The following SOX6 variants were observed in gnomAD, a reference collection of about 807,000 sequenced individuals.
SOX6 encodes the protein SRY-box transcription factor 6, also known as transcription factor SOX-6.
In SOX6, 11 loss-of-function variants were observed where a neutral mutation model predicts 97.8. That is an observed-to-expected ratio of 0.11 (90% CI 0.07 to 0.19). The LOEUF (loss-of-function observed/expected upper bound fraction) is 0.19, where lower values mean the gene tolerates loss of function less well. Ranked by LOEUF, SOX6 falls within the 10% of genes least tolerant of loss-of-function variation. The pLI, the probability that SOX6 is intolerant of heterozygous loss-of-function variation, is 1.00. For missense variants in SOX6, 810 were observed against 1,039.5 expected (o/e 0.78, Z 3.04); for synonymous variants, 360 against 371.4 (o/e 0.97, Z 0.35).
intron 2 of SOX6, among the ~76,000 whole-genome samples, chr11:16,721,546 CTCT>C (rs1564877306): frequency 9.9e-5 from 4 of 40,462 alleles, no homozygotes; most frequent in African/African-American, 4.4e-4. Context: ...CTCTCTCTCT[CTCT>C]CTTCCCCCCC....
intron 3 of SOX6, among the ~76,000 whole-genome samples, chr11:16,663,515 G>T (rs961287565): frequency 1.3e-5 from 2 of 152,008 alleles, no homozygotes; most frequent in Non-Finnish European, 2.9e-5. Context: ...CAGATACGGG[G>T]TATCACCATG....
chr11:15,979,029 T>TAC, intron 15 of SOX6, among the ~76,000 whole-genome samples: 4 of 95,438 alleles, frequency 4.2e-5, no homozygotes, highest in African/African-American at 1.2e-4. Flanking sequence ...CTGCTTATTT[T>TAC]ATATATATTT....
intron 4 of SOX6, among the ~76,000 whole-genome samples, chr11:16,216,164 T>C (rs1052594912): frequency 1.7e-4 from 26 of 152,216 alleles, no homozygotes; most frequent in African/African-American, 6.3e-4. Context: ...AAAATCACTG[T>C]GATACAAAGT....
At chr11:16,053,526 T>A (rs1380111969) in intron 10 of SOX6, among the ~76,000 whole-genome samples, 1 of 152,142 alleles carries the variant, frequency 6.6e-6, no homozygotes, top group Non-Finnish European at 1.5e-5. Context: ...GAGGGTGTAT[T>A]TAAGACCTAT....
chr11:16,012,014 A>G (rs572924744), intron 13 of SOX6, among the ~76,000 whole-genome samples: 1 of 151,932 alleles, frequency 6.6e-6, no homozygotes, highest in East Asian at 1.9e-4. Flanking sequence ...AAAGAGGTCA[A>G]GGACATCTCT....
chr11:16,479,449 G>T (rs1383969291), upstream of SOX6, among the ~76,000 whole-genome samples: 1 of 151,480 alleles, frequency 6.6e-6, no homozygotes, highest in Non-Finnish European at 1.5e-5. Context: ...AGAATCACTT[G>T]AACCTGGGAG....
intron 13 of SOX6, among the ~76,000 whole-genome samples, chr11:16,004,029 C>G (rs956212084): frequency 5.3e-5 from 8 of 151,008 alleles, no homozygotes; most frequent in African/African-American, 1.9e-4. Flanking sequence ...TATATATATA[C>G]ACACACACAT....
At chr11:16,060,612 G>A (rs1039401369) in intron 9 of SOX6, among the ~76,000 whole-genome samples, 8 of 151,854 alleles carry the variant, frequency 5.3e-5, no homozygotes, top group Non-Finnish European at 1.0e-4. Context: ...TTTTAAGTTT[G>A]TCTTGGATAA....
At chr11:16,555,431 G>T (rs1415015016) in intron 4 of SOX6, among the ~76,000 whole-genome samples, 3 of 151,394 alleles carry the variant, frequency 2.0e-5, no homozygotes, top group Non-Finnish European at 4.4e-5. Context: ...TACATATAAT[G>T]TCTTTAAATT....
At chr11:16,224,505 A>G (rs1237925157) in intron 4 of SOX6, among the ~76,000 whole-genome samples, 1 of 152,058 alleles carries the variant, frequency 6.6e-6, no homozygotes, top group Non-Finnish European at 1.5e-5. Context: ...TTTAATTAAG[A>G]AGACCTTGTG....
chr11:15,979,119 G>T (rs1052659807), intron 15 of SOX6, among the ~76,000 whole-genome samples: 11 of 144,754 alleles, frequency 7.6e-5, no homozygotes, highest in Admixed American at 4.3e-4. Flanking sequence ...CATAGGTGCA[G>T]AACTTAAAGT....
At chr11:16,022,993 C>T (rs981965136) in intron 12 of SOX6, among the ~76,000 whole-genome samples, 2 of 152,094 alleles carry the variant, frequency 1.3e-5, no homozygotes, top group South Asian at 2.1e-4. Flanking sequence ...CTATGATATT[C>T]CAAAATCCTA....
intron 6 of SOX6, among the ~76,000 whole-genome samples, chr11:16,177,921 C>T (rs1231411200): frequency 6.6e-6 from 1 of 151,874 alleles, no homozygotes; most frequent in Non-Finnish European, 1.5e-5. Flanking sequence ...ATTTTTAGTA[C>T]CACTGGTTTG....
chr11:16,271,927 T>C (rs1438196200), intron 3 of SOX6, among the ~76,000 whole-genome samples: 2 of 151,290 alleles, frequency 1.3e-5, no homozygotes, highest in African/African-American at 4.8e-5. Flanking sequence ...TCTTAACTTA[T>C]AATTTAATTC....
intron 3 of SOX6, among the ~76,000 whole-genome samples, chr11:16,658,549 A>C (rs1162035514): frequency 6.6e-6 from 1 of 152,160 alleles, no homozygotes; most frequent in African/African-American, 2.4e-5. Context: ...TCTACTAAAA[A>C]TACAAAAAAT....
intron 3 of SOX6, among the ~76,000 whole-genome samples, chr11:16,281,326 G>A (rs1854556655): frequency 6.6e-6 from 1 of 151,998 alleles, no homozygotes; most frequent in South Asian, 2.1e-4. Flanking sequence ...CCGAGTAACA[G>A]AGACCCCAAA....
intron 12 of SOX6, among the ~76,000 whole-genome samples, chr11:16,017,810 C>G (rs1187545444): frequency 2.0e-5 from 3 of 152,014 alleles, no homozygotes; most frequent in Non-Finnish European, 4.4e-5. Context: ...TCCAAATTTC[C>G]ACACACTTGA....
intron 6 of SOX6, among the ~76,000 whole-genome samples, chr11:16,171,975 A>G (rs1851050909): frequency 6.6e-6 from 1 of 151,764 alleles, no homozygotes; most frequent in Non-Finnish European, 1.5e-5. Flanking sequence ...AAGAATATCC[A>G]TATCAACATT....
rs114265124 is a variant in SOX6 at position 16,212,138 on chromosome 11, T to A, written c.535+22444A>T. ...CCAACAGATACACTGTAAACAGATA[T>A]GAGGCCTAGGCAAGTTAGAAAACTT... is the stretch of plus-strand genomic sequence containing the variant. On this transcript the variant is annotated intron_variant, in intron 4 of 15. Coordinates refer to ENST00000683767, the MANE Select transcript of SOX6 (RefSeq NM_001367873.1). Among the ~76,000 whole-genome samples, 1,358 of 152,282 alleles carry A rather than the reference T, an allele frequency of 8.9e-3. 26 individuals are homozygous for A. Among genetic ancestry groups the A allele is most frequent in the African/African-American group, 0.031 (1,274 of 41,566 alleles).
Sources: gnomAD v4.1 joint callset for allele counts (sites outside exome capture counted in the v4.1 genomes callset) on GRCh38, gnomAD v4.1.1 for gene constraint, MANE v1.5 for transcripts, NCBI Gene and HGNC (gene_info 2026-07-23, HGNC 2026-07-21) for gene names.